ABLIM2: variants seen among roughly 807,000 people sequenced by gnomAD.
ABLIM2 encodes the protein actin-binding LIM protein 2.
Under a neutral mutation model 97.7 loss-of-function variants are expected in ABLIM2, and 53 were observed. The observed-to-expected ratio is 0.54, with a 90% CI of 0.44 to 0.68. ABLIM2 has a LOEUF of 0.68. ABLIM2 is among the 30% of genes least tolerant of loss of function. ABLIM2 has a pLI of 0.00. For missense variants in ABLIM2, 835 were observed against 867.2 expected, an observed-to-expected ratio of 0.96 and a Z score of 0.47; for synonymous variants, 361 against 345.8, an observed-to-expected ratio of 1.04 and a Z score of -0.49.
At chr4:7,987,287 T>C (rs1445210545) in intron 17 of ABLIM2, among the ~76,000 whole-genome samples, 1 of 150,976 alleles carries the variant, frequency 6.6e-6, no homozygotes, top group African/African-American at 2.4e-5. Flanking sequence ...CATGCCTGGC[T>C]AATTAAAAAA....
intron 2 of ABLIM2, among the ~76,000 whole-genome samples, chr4:8,104,558 G>A (rs1237237375): frequency 6.6e-6 from 1 of 152,212 alleles, no homozygotes; most frequent in Non-Finnish European, 1.5e-5. Context: ...TCCTTGGACA[G>A]AGTCTCAGCA....
intron 13 of ABLIM2, 87 bp downstream of exon 13, chr4:8,020,115 C>A: frequency 7.8e-7 from 1 of 1,287,798 alleles, no homozygotes; most frequent in South Asian, 1.4e-5. Flanking sequence ...CCTGCTGAGT[C>A]AAGGCAAGCT....
At chr4:8,063,214 C>T (rs10213373) in intron 6 of ABLIM2, among the ~76,000 whole-genome samples, 58,958 of 151,968 alleles carry the variant, frequency 0.39, 12,455 homozygotes, top group East Asian at 0.77. Context: ...TGCAGGCACA[C>T]GCCACCACGC....
intron 1 of ABLIM2, among the ~76,000 whole-genome samples, chr4:8,116,103 T>C (rs1842655235): frequency 6.6e-6 from 1 of 152,174 alleles, no homozygotes; most frequent in Non-Finnish European, 1.5e-5. Context: ...ACAGACATTG[T>C]GGAGAGGAGA....
chr4:8,157,468 C>G (rs936354006), intron 1 of ABLIM2, among the ~76,000 whole-genome samples: 1 of 152,242 alleles, frequency 6.6e-6, no homozygotes, highest in Non-Finnish European at 1.5e-5. Context: ...CCTCCCCAAC[C>G]GCCTGCCATT....
chr4:8,098,541 G>A (rs953659732), intron 2 of ABLIM2, among the ~76,000 whole-genome samples: 1 of 152,140 alleles, frequency 6.6e-6, no homozygotes, highest in South Asian at 2.1e-4. Flanking sequence ...TGGCTGGAAC[G>A]CCTACATTCC....
At chr4:7,984,736 C>G in intron 18 of ABLIM2, 103 bp downstream of exon 18, 1 of 1,299,650 alleles carries the variant, frequency 7.7e-7, no homozygotes, top group Middle Eastern at 1.9e-4. Context: ...ACTCCCGGAG[C>G]CTTCTGCAGG....
chr4:7,993,502 A>G (rs1750627069), intron 16 of ABLIM2, among the ~76,000 whole-genome samples: 3 of 152,150 alleles, frequency 2.0e-5, no homozygotes, highest in Admixed American at 2.0e-4. Context: ...TGGGCAACAT[A>G]GCAAGACCAC....
chr4:7,984,793 G>T, intron 18 of ABLIM2, 46 bp downstream of exon 18: 1 of 1,536,504 alleles, frequency 6.5e-7, no homozygotes, highest in Non-Finnish European at 8.8e-7. Context: ...ATGTGTTAGC[G>T]ACCCCTGCCC....
chr4:8,143,158 GT>G (rs1171148477), intron 1 of ABLIM2, among the ~76,000 whole-genome samples: 1 of 125,232 alleles, frequency 8.0e-6, no homozygotes, highest in Admixed American at 8.3e-5. Context: ...GGGGGCGAGA[GT>G]GGGGGGGGGG....
At chr4:8,062,431 T>A (rs1178028235) in intron 6 of ABLIM2, among the ~76,000 whole-genome samples, 1 of 151,672 alleles carries the variant, frequency 6.6e-6, no homozygotes, top group African/African-American at 2.4e-5. Context: ...GTGGTCTGGG[T>A]AGCACTCTTT....
At position 7,966,961 on chromosome 4, in the gene ABLIM2, C is replaced by T. The variant is rs770866636; in HGVS notation, c.*29G>A. ...AGGGGCCCCTGGCCTCGGCGCCCGG[C>T]ACACACCAGTGGGGCAGGCTGGCAG... On this transcript the variant is annotated 3_prime_UTR_variant, in exon 21 of 21. Transcript: ENST00000447017. 5 of 1,591,724 alleles carry T rather than the reference C, an allele frequency of 3.1e-6. No homozygotes were observed. The Admixed American group carries it at 6.7e-5, about 21-fold the overall frequency.
intron 20 of ABLIM2, among the ~76,000 whole-genome samples, chr4:7,968,447 GAATA>G (rs1724799900): frequency 6.6e-6 from 1 of 152,232 alleles, no homozygotes; most frequent in South Asian, 2.1e-4. Context: ...ATCAATGGAC[GAATA>G]GATACACAGA....
chr4:8,142,313 G>C (rs1851114169), intron 1 of ABLIM2, among the ~76,000 whole-genome samples: 1 of 152,122 alleles, frequency 6.6e-6, no homozygotes, highest in African/African-American at 2.4e-5. Context: ...CACTGCCCGA[G>C]GGCATGGACT....
rs1367076419 is a variant in ABLIM2 at position 8,054,372 on chromosome 4, G to A, written c.764-126C>T. On this transcript the variant is annotated intron_variant, in intron 7 of 20. Transcript: ENST00000447017. The surrounding 1 kb of genome is among the most constrained non-coding windows in gnomAD (Gnocchi z 4.9). ...TGCACTCGGACTCCACCCTCCAAGC[G>A]GCCCTGAGCATCCTCTCTGTGCTGG... 2.8e-5 allele frequency: 28 copies of A among 987,606 alleles called. No homozygotes were observed. Among genetic ancestry groups the A allele is most frequent in the Admixed American group, 8.1e-5 (4 of 49,548 alleles). The allele number at this position is 987,606 out of a possible 1,614,324, so 61.2% of individuals were successfully genotyped here.
chr4:8,028,348 A>G (rs1778757822), intron 11 of ABLIM2, among the ~76,000 whole-genome samples: 1 of 152,188 alleles, frequency 6.6e-6, no homozygotes, highest in Non-Finnish European at 1.5e-5. Flanking sequence ...GGAGCTCAAT[A>G]AAGTTGACTG....
chr4:8,154,809 T>C (rs1578583456), intron 1 of ABLIM2, among the ~76,000 whole-genome samples: 1 of 152,176 alleles, frequency 6.6e-6, no homozygotes, highest in African/African-American at 2.4e-5. Context: ...AATAAAGACA[T>C]ACCCAGGACT....
chr4:7,980,759 G>A (rs1189546308), intron 20 of ABLIM2, among the ~76,000 whole-genome samples: 2 of 151,138 alleles, frequency 1.3e-5, no homozygotes, highest in Non-Finnish European at 2.9e-5. Context: ...TCTTGTGGGG[G>A]AAATTTACAT....
rs1327095688 is a variant in ABLIM2, at chr4:8,138,421, G to A, written c.10+20259C>T. 2.6e-5 allele frequency among the ~76,000 whole-genome samples: 4 copies of A among 152,112 alleles called. No individual in the cohort carries two copies. The South Asian group carries it at 6.2e-4, about 24-fold the overall frequency. Reference sequence around the variant, plus strand: ...GAGCTCATATAGCCAAGACAAACCTGAGCAAAAAGACCAAAGCTGGAGGCA... The same window carrying A: ...GAGCTCATATAGCCAAGACAAACCTAAGCAAAAAGACCAAAGCTGGAGGCA... On this transcript the variant is annotated intron_variant, in intron 1 of 20. Coordinates refer to ENST00000447017, the MANE Select transcript of ABLIM2 (RefSeq NM_001130083.2).
Sources: allele counts gnomAD v4.1 joint callset (sites outside exome capture counted in the v4.1 genomes callset), GRCh38; gene constraint gnomAD v4.1.1; non-coding constraint Gnocchi (gnomAD v3.1); transcripts MANE v1.5; gene names NCBI Gene and HGNC (gene_info 2026-07-23, HGNC 2026-07-21).